Variants in FANCE observed in about 807,000 individuals in gnomAD.
FANCE encodes Fanconi anemia group E protein.
Under a neutral mutation model 57.8 loss-of-function variants are expected in FANCE, and 42 were observed. The ratio of observed to expected loss-of-function variants is 0.73; its 90% CI spans 0.57 to 0.94. The LOEUF is 0.94. Among genes scored for constraint, FANCE ranks in the 40% least tolerant of loss-of-function variants. The probability of loss-of-function intolerance (pLI) is 0.00; values close to 1 mark genes in which losing one functional copy is unlikely to be tolerated. For missense variants in FANCE, 608 were observed against 661.8 expected (o/e 0.92, Z 0.89); for synonymous variants, 251 against 286.4 (o/e 0.88, Z 1.25).
chr6:35,458,560 GC>G, intron 5 of FANCE, 120 bp downstream of exon 5: 1 of 1,244,870 alleles, frequency 8.0e-7, no homozygotes, highest in Non-Finnish European at 1.2e-6. Context: ...GGCTGTTTGG[GC>G]AGCCTGGGGC....
intron 8 of FANCE, 59 bp from the exon 9 acceptor site, chr6:35,462,730 G>T (rs1317034486): frequency 2.5e-6 from 4 of 1,611,190 alleles, no homozygotes; most frequent in Non-Finnish European, 3.4e-6. Context: ...TCCAGGACTG[G>T]CTGAATGAAG....
At position 35,466,325 on chromosome 6, in the gene FANCE, T is replaced by A. The variant is rs147390386; in HGVS notation, c.1591T>A (p.Leu531Met). 51 of 1,613,070 alleles carry A rather than the reference T, an allele frequency of 3.2e-5. No individual in the cohort carries two copies. The African/African-American group carries it at 4.9e-4, about 16-fold the overall frequency. Residue 531 changes from leucine (L) to methionine (M), a missense_variant, in exon 10 of 10, where the codon TTG becomes ATG. Transcript: ENST00000229769. ...TFLRKSLKAA[L>M]KHLGP ...CCTGAGGAAGTCCCTGAAGGCCGCC[T>A]TGAAACATTTGGGCCCCTGACCATC...
chr6:35,453,782 A>C (rs1184626731), intron 1 of FANCE, among the ~76,000 whole-genome samples: 1 of 152,234 alleles, frequency 6.6e-6, no homozygotes, highest in African/African-American at 2.4e-5. Flanking sequence ...CCCAAATTGG[A>C]AGCTATAGAA....
intron 9 of FANCE, among the ~76,000 whole-genome samples, chr6:35,463,836 T>C (rs1767692997): frequency 6.6e-6 from 1 of 151,980 alleles, no homozygotes; most frequent in Non-Finnish European, 1.5e-5. Context: ...TTTGTATATT[T>C]TGTATTTTTA....
chr6:35,466,643 A>T lies in FANCE; in HGVS notation c.*298A>T. ...GCAGTGATGCGATTGATCATGGCTCACTGTAACCTCTGCCTCCCAGGCTCG... is the reference window on the plus strand; with the variant it reads ...GCAGTGATGCGATTGATCATGGCTCTCTGTAACCTCTGCCTCCCAGGCTCG... On this transcript the variant is annotated 3_prime_UTR_variant, in exon 10 of 10. Coordinates refer to ENST00000229769, the MANE Select transcript of FANCE (RefSeq NM_021922.3). 1 of 443,044 alleles carries T rather than the reference A, an allele frequency of 2.3e-6. No homozygotes were observed. The highest frequency in any genetic ancestry group is 4.2e-6 in the Non-Finnish European group (1 of 237,332). 27.4% of individuals were successfully genotyped at this position (443,044 alleles called of 1,614,324 possible).
In FANCE at chr6:35,459,689, TCAAA is replaced by T. The variant is rs746340447; in HGVS notation, c.1248_1251del (p.Thr417SerfsTer7). On this transcript the variant is annotated frameshift_variant, in exon 7 of 10. Transcript: ENST00000229769. LOFTEE classifies it high-confidence loss of function. ...CTGCTGTCCTCTACCCAGGTCCTGC[TCAAA>T]CAGAGTTACTGTGTTGCCTTGTGAA... The T allele has an allele frequency of 4.3e-6, 7 of 1,614,018 alleles. No individual in the cohort carries two copies. Among genetic ancestry groups the T allele is most frequent in the African/African-American group, 1.3e-5 (1 of 74,924 alleles).
intron 5 of FANCE, among the ~76,000 whole-genome samples, chr6:35,458,779 T>C (rs1389203901): frequency 6.6e-6 from 1 of 151,832 alleles, no homozygotes; most frequent in Non-Finnish European, 1.5e-5. Context: ...TTTTTGTATT[T>C]TTATTTATTT....
rs936645873 is a variant in FANCE at position 35,457,705 on chromosome 6, G to A, written c.900+105G>A. ...TGCAGTGATATACAAGCTGGCTGGG[G>A]GAGGGGGACTGGAGTAAAGGTCTGA... On this transcript the variant is annotated intron_variant, in intron 3 of 9. Transcript: ENST00000229769. The A allele has an allele frequency of 6.0e-6, 8 of 1,340,578 alleles. No homozygotes were observed. The African/African-American group carries it at 7.2e-5, about 12-fold the overall frequency. The allele number at this position is 1,340,578 out of a possible 1,614,324, so 83.0% of individuals were successfully genotyped here.
chr6:35,462,641 T>C (rs962891244), intron 8 of FANCE, 148 bp from the exon 9 acceptor site: 28 of 869,470 alleles, frequency 3.2e-5, no homozygotes, highest in Non-Finnish European at 5.0e-5. Context: ...ATTTTATAGA[T>C]ATGGAAATGG....
rs372809891 is a variant in FANCE, at chr6:35,466,043, G to A, written c.1510-201G>A. 4.7e-4 allele frequency among the ~76,000 whole-genome samples: 71 copies of A among 152,282 alleles called. No homozygotes were observed. In the South Asian group the frequency reaches 7.9e-3, roughly 17 times the overall value. Reference sequence around the variant, plus strand: ...ATTGTCAACTGTTACTAATGTGGCCGGCTTAGTAAATTGTGCAGCTAGTAT... The same window carrying A: ...ATTGTCAACTGTTACTAATGTGGCCAGCTTAGTAAATTGTGCAGCTAGTAT... On this transcript the variant is annotated intron_variant, in intron 9 of 9. Transcript: ENST00000229769.
intron 7 of FANCE, 48 bp from the exon 8 acceptor site, chr6:35,460,504 G>A: frequency 6.4e-7 from 1 of 1,567,898 alleles, no homozygotes. Flanking sequence ...AGATACTCAG[G>A]CTTGGGTGGG....
rs781312744 is a variant in FANCE, at chr6:35,457,978, C to T, written c.963C>T (p.Pro321=). 2 of 1,613,970 alleles carry T rather than the reference C, an allele frequency of 1.2e-6. No homozygotes were observed. Among genetic ancestry groups the T allele is most frequent in the East Asian group, 2.2e-5 (1 of 44,888 alleles). The change falls in exon 4 of 10, where the codon CCC becomes CCT. Residue 321 remains proline (P), a synonymous_variant. Transcript: ENST00000229769. ...TACAGCTTCTTCACGAATGTAGTCCCAGCCAGGTGAGTCCAGATGACTGCC... is the reference window on the plus strand; with the variant it reads ...TACAGCTTCTTCACGAATGTAGTCCTAGCCAGGTGAGTCCAGATGACTGCC... The part of the protein sequence containing the change: ...VELQLLHECS[P]SQMDLLCAQL...
chr6:35,455,327 A>C (rs376223465), intron 1 of FANCE, among the ~76,000 whole-genome samples: 8 of 151,846 alleles, frequency 5.3e-5, no homozygotes, highest in East Asian at 3.9e-4. Context: ...CCTTTTTTTG[A>C]AATAGTGTCT....
chr6:35,464,537 G>A (rs956200832), intron 9 of FANCE, among the ~76,000 whole-genome samples: 1 of 149,590 alleles, frequency 6.7e-6, no homozygotes, highest in Non-Finnish European at 1.5e-5. Flanking sequence ...GTGCCCGGCC[G>A]AGACAGGGTC....
intron 1 of FANCE, among the ~76,000 whole-genome samples, chr6:35,453,619 T>TA (rs1767202674): frequency 6.6e-6 from 1 of 152,236 alleles, no homozygotes; most frequent in Non-Finnish European, 1.5e-5. Flanking sequence ...TCCCCCATAA[T>TA]TTATGCTGGA....
Position 35,456,154 on chromosome 6 carries a change from G to A in FANCE, c.656G>A (p.Arg219Lys), listed in dbSNP as rs551170184. The stretch of plus-strand genomic sequence containing the variant: ...CCTGAGGGGAAGAGGGTCCCCAAAA[G>A]ATTACGGTGTTGGGAAGAGGAAGAA... ...ASPEGKRVPK[R>K]LRCWEEEEDH... The change falls in exon 2 of 10, where the codon AGA (arginine) becomes AAA (lysine). Residue 219 changes from arginine to lysine, a missense_variant. By Grantham distance (26) the Arg-to-Lys change is conservative. Transcript: ENST00000229769. The surrounding 1 kb of genome is among the most constrained non-coding windows in gnomAD (Gnocchi z 4.3). 18 of 1,614,062 alleles carry A rather than the reference G, an allele frequency of 1.1e-5. No homozygotes were observed. The highest frequency in any genetic ancestry group is 1.7e-5 in the Admixed American group (1 of 60,006).
rs189878220 is a variant in FANCE, at chr6:35,457,485, G to A, written c.856-71G>A. ...CTGACCTGGGGCCTTTTCAGTAGGG[G>A]GAGCCAGAACCGGGCTTGGGGTCAT... is the stretch of plus-strand genomic sequence containing the variant. On this transcript the variant is annotated intron_variant, in intron 2 of 9. Transcript: ENST00000229769. 31 of 1,562,354 alleles carry A rather than the reference G, an allele frequency of 2.0e-5. 1 individual carries two copies. The East Asian group carries it at 4.5e-4, about 23-fold the overall frequency.
chr6:35,458,025 T>C, intron 4 of FANCE, 41 bp downstream of exon 4: 1 of 1,549,590 alleles, frequency 6.5e-7, no homozygotes, highest in Non-Finnish European at 8.9e-7. Flanking sequence ...TTACATTCTC[T>C]GTCCCTTATC....
intron 1 of FANCE, 150 bp from the exon 2 acceptor site, chr6:35,455,597 C>T: frequency 2.1e-6 from 2 of 939,186 alleles, no homozygotes; most frequent in Non-Finnish European, 3.4e-6. Context: ...AGGTGTGAGT[C>T]ACCACACCTG....
Sources: gnomAD v4.1 joint callset for allele counts (sites outside exome capture counted in the v4.1 genomes callset) on GRCh38, gnomAD v4.1.1 for gene constraint, Gnocchi (gnomAD v3.1) non-coding constraint, MANE v1.5 for transcripts, NCBI Gene and HGNC (gene_info 2026-07-23, HGNC 2026-07-21) for gene names.